The following USP14 variants were observed in gnomAD, a reference collection of about 807,000 sequenced individuals.
The protein encoded by USP14 is ubiquitin carboxyl-terminal hydrolase 14.
A neutral mutation model predicts 76.5 loss-of-function variants in USP14; 38 were observed. The observed-to-expected ratio is 0.50, with a 90% CI of 0.38 to 0.65. The LOEUF is 0.65. USP14 is among the 30% of genes least tolerant of loss of function. The pLI is 0.00. For missense variants in USP14, 467 were observed against 586.5 expected, an observed-to-expected ratio of 0.80 and a Z score of 2.10; for synonymous variants, 192 against 191.7, an observed-to-expected ratio of 1.00 and a Z score of -0.01.
Position 158,557 on chromosome 18 carries a change from G to T in USP14, c.-142G>T. On this transcript the variant is annotated 5_prime_UTR_variant, in exon 1 of 16. Transcript: ENST00000261601. The stretch of plus-strand genomic sequence containing the variant: ...CTGCGTCATCGCCAGTGGCCGGTTT[G>T]AATGAGACTCGTCGCACCGAAGCCG... The T allele has an allele frequency of 2.5e-6, 2 of 809,290 alleles. No individual in the cohort carries two copies. The highest frequency in any genetic ancestry group is 1.8e-5 in the South Asian group (1 of 56,408). The allele number at this position is 809,290 out of a possible 1,614,324, so 50.1% of individuals were successfully genotyped here. A position where few individuals can be genotyped will look rare whatever the true frequency, so the allele number is the denominator to read the frequency against.
chr18:163,923 C>T (rs753314667), intron 2 of USP14, among the ~76,000 whole-genome samples: 7 of 151,852 alleles, frequency 4.6e-5, no homozygotes, highest in African/African-American at 9.7e-5. Flanking sequence ...CATTATTTAG[C>T]TCCCACTTAC....
In USP14 at chr18:187,323, T is replaced by G. The variant is rs191313362; in HGVS notation, c.405-5519T>G. Among the ~76,000 whole-genome samples, 3 of 152,354 alleles carry G rather than the reference T, an allele frequency of 2.0e-5. No individual in the cohort carries two copies. The East Asian group carries it at 5.8e-4, about 29-fold the overall frequency. On this transcript the variant is annotated intron_variant, in intron 5 of 15. Coordinates refer to ENST00000261601, the MANE Select transcript of USP14 (RefSeq NM_005151.4). ...TGATTTTCGATATGTGTTTGTATTA[T>G]GCCATTTTAACCATCTGGTGTGTAG...
At chr18:171,199 G>GGTA (rs1909452923) in intron 3 of USP14, among the ~76,000 whole-genome samples, 1 of 151,658 alleles carries the variant, frequency 6.6e-6, no homozygotes, top group Admixed American at 6.6e-5. Flanking sequence ...TGTTGATGAA[G>GGTA]GTAGCTACAC....
At chr18:208,507 G>C (rs543461133) in intron 13 of USP14, among the ~76,000 whole-genome samples, 1 of 151,920 alleles carries the variant, frequency 6.6e-6, no homozygotes, top group African/African-American at 2.4e-5. Flanking sequence ...CCTTTATTCT[G>C]CTTGCCTTGT....
In USP14 at chr18:196,682, T is replaced by C. The variant is rs1412490741; in HGVS notation, c.509T>C (p.Ile170Thr). Residue 170 changes from isoleucine to threonine, a missense_variant, in exon 7 of 16, where the codon ATT becomes ACT. Physicochemically the swap from Ile to Thr is moderately conservative, Grantham distance 89. Coordinates refer to ENST00000261601, the MANE Select transcript of USP14 (RefSeq NM_005151.4). ...FDSMDKTSSS[I>T]PPIILLQFLH... is the part of the protein sequence containing the mutation. Reference sequence around the variant, plus strand: ...TCCATGGATAAAACTTCTTCCAGTATTCCACCTATTATTCTACTGCAGTTT... The same window carrying C: ...TCCATGGATAAAACTTCTTCCAGTACTCCACCTATTATTCTACTGCAGTTT... 1 of 1,614,084 alleles carries C rather than the reference T, an allele frequency of 6.2e-7. No individual in the cohort carries two copies. The highest frequency in any genetic ancestry group is 8.5e-7 in the Non-Finnish European group (1 of 1,179,960).
rs755740902 is a variant in USP14 at position 204,544 on chromosome 18, TTTTG to T, written c.1036-10_1036-7del. 36 of 1,542,244 alleles carry T rather than the reference TTTTG, an allele frequency of 2.3e-5. No individual in the cohort carries two copies. In the Admixed American group the frequency reaches 2.8e-4, roughly 12 times the overall value. ...CTTTATAAATGTGTTTACACATGTT[TTTTG>T]TTTGTTTGTATATAGGATGTTAAAT... On this transcript the variant is annotated splice_polypyrimidine_tract_variant and intron_variant, in intron 12 of 15. Coordinates refer to ENST00000261601, the MANE Select transcript of USP14 (RefSeq NM_005151.4).
In USP14 at chr18:183,524, T is replaced by C. The variant is rs146318211; in HGVS notation, c.404+3185T>C. Reference sequence around the variant, plus strand: ...TAAAATTTCTAGATCTGTTTTTTAGTCTTCTAACTTTCCTCCGTGTTTTAA... The same window carrying C: ...TAAAATTTCTAGATCTGTTTTTTAGCCTTCTAACTTTCCTCCGTGTTTTAA... On this transcript the variant is annotated intron_variant, in intron 5 of 15. Coordinates refer to ENST00000261601, the MANE Select transcript of USP14 (RefSeq NM_005151.4). Among the ~76,000 whole-genome samples the C allele has an allele frequency of 5.3e-5, 8 of 152,194 alleles. No homozygotes were observed. The East Asian group carries it at 1.5e-3, about 29-fold the overall frequency.
At chr18:163,605 C>T in intron 2 of USP14, 152 bp downstream of exon 2, 2 of 810,820 alleles carry the variant, frequency 2.5e-6, no homozygotes, top group East Asian at 5.5e-5. Flanking sequence ...CTGTCTTATG[C>T]CTGTTAGAGT....
intron 3 of USP14, among the ~76,000 whole-genome samples, chr18:174,310 G>A (rs1909564079): frequency 6.7e-6 from 1 of 148,514 alleles, no homozygotes; most frequent in South Asian, 2.1e-4. Context: ...CTGACGCCCA[G>A]GCTGGAGTGC....
Position 212,667 on chromosome 18 carries a change from A to G in USP14, c.*1383A>G, listed in dbSNP as rs1598282588. The G allele has an allele frequency of 6.6e-6, 1 of 152,240 alleles. No individual in the cohort carries two copies. Among genetic ancestry groups the G allele is most frequent in the South Asian group, 2.1e-4 (1 of 4,828 alleles). 9.4% of individuals were successfully genotyped at this position (152,240 alleles called of 1,614,324 possible). ...TCAGAATTTTAGTGATTTTAAAGTG[A>G]TAGTAGAAAATACCAAGCATATGAG... On this transcript the variant is annotated 3_prime_UTR_variant, in exon 16 of 16. Transcript: ENST00000261601.
intron 3 of USP14, among the ~76,000 whole-genome samples, chr18:171,026 ATATATATATAT>A (rs1413354483): frequency 3.3e-4 from 10 of 30,746 alleles, no homozygotes; most frequent in East Asian, 1.2e-3. Context: ...AAAAAAAAAA[ATATATATATAT>A]ATATATATAT....
In USP14 at chr18:212,823, A is replaced by C. The variant is rs1173390103; in HGVS notation, c.*1539A>C. On this transcript the variant is annotated 3_prime_UTR_variant, in exon 16 of 16. Coordinates refer to ENST00000261601, the MANE Select transcript of USP14 (RefSeq NM_005151.4). ...TTGGCTCTGATTTTGAGTTATTTATAATAAAGTTTGGGGATTATCATAACA... is the reference window on the plus strand; with the variant it reads ...TTGGCTCTGATTTTGAGTTATTTATCATAAAGTTTGGGGATTATCATAACA... 1 of 152,230 alleles carries C rather than the reference A, an allele frequency of 6.6e-6. No homozygotes were observed. The highest frequency in any genetic ancestry group is 2.4e-5 in the African/African-American group (1 of 41,464). 9.4% of individuals were successfully genotyped at this position (152,230 alleles called of 1,614,324 possible). A position where few individuals can be genotyped will look rare whatever the true frequency, so the allele number is the denominator to read the frequency against.
chr18:173,141 C>A (rs1048771403), intron 3 of USP14, among the ~76,000 whole-genome samples: 2 of 150,978 alleles, frequency 1.3e-5, no homozygotes, highest in African/African-American at 4.9e-5. Context: ...CGGAGTCTCA[C>A]CCTGTTGCCC....
intron 3 of USP14, among the ~76,000 whole-genome samples, chr18:171,056 A>ATATATATATATAT (rs1568416863): frequency 1.4e-4 from 19 of 139,254 alleles, no homozygotes; most frequent in South Asian, 2.3e-4. Context: ...ATATATATAT[A>ATATATATATATAT]AACTGAAGCT....
At chr18:183,898 G>A (rs1909855571) in intron 5 of USP14, among the ~76,000 whole-genome samples, 2 of 151,964 alleles carry the variant, frequency 1.3e-5, no homozygotes, top group South Asian at 4.1e-4. Context: ...ATCTGAATAG[G>A]TAGTTTGCTG....
chr18:206,349 C>T (rs1371746079), intron 13 of USP14, among the ~76,000 whole-genome samples: 1 of 152,124 alleles, frequency 6.6e-6, no homozygotes, highest in African/African-American at 2.4e-5. Context: ...ATCTGTATAT[C>T]CTCTTTTGTA....
chr18:183,650 A>G (rs1276460310), intron 5 of USP14, among the ~76,000 whole-genome samples: 1 of 151,134 alleles, frequency 6.6e-6, no homozygotes, highest in Non-Finnish European at 1.5e-5. Context: ...CTTACTTATC[A>G]TGACCTTCTG....
intron 3 of USP14, among the ~76,000 whole-genome samples, chr18:178,031 A>C (rs911315939): frequency 2.7e-5 from 4 of 146,060 alleles, no homozygotes; most frequent in Admixed American, 6.8e-5. Context: ...TGTTTGTTAT[A>C]TTTTTTGAGA....
rs925202729 is a variant in USP14 at position 181,297 on chromosome 18, G to A, written c.404+958G>A. On this transcript the variant is annotated intron_variant, in intron 5 of 15. Transcript: ENST00000261601. ...TGCCACAATGATTTTCCAAAGTGACGGTACCATTTTACATTCTCACCAGCA... is the reference window on the plus strand; with the variant it reads ...TGCCACAATGATTTTCCAAAGTGACAGTACCATTTTACATTCTCACCAGCA... Among the ~76,000 whole-genome samples the A allele has an allele frequency of 4.8e-4, 73 of 152,058 alleles. 1 individual carries two copies. The highest frequency in any genetic ancestry group is 4.4e-5 in the Non-Finnish European group (3 of 68,006).
Sources: gnomAD v4.1 joint callset for allele counts (sites outside exome capture counted in the v4.1 genomes callset) on GRCh38, gnomAD v4.1.1 for gene constraint, MANE v1.5 for transcripts, NCBI Gene and HGNC (gene_info 2026-07-23, HGNC 2026-07-21) for gene names.